MAP3K15: variants seen among roughly 807,000 people sequenced by gnomAD.
The protein encoded by MAP3K15 is mitogen-activated protein kinase kinase kinase 15.
A neutral mutation model predicts 99.5 loss-of-function variants in MAP3K15; 124 were observed. The observed-to-expected ratio is 1.25, with a 90% confidence interval of 1.08 to 1.45. The LOEUF (loss-of-function observed/expected upper bound fraction) is 1.45, where lower values mean the gene tolerates loss of function less well. Among genes scored for constraint, MAP3K15 ranks in the 40% most tolerant of loss-of-function variants. The pLI is 0.00. For synonymous variants in MAP3K15, 494 were observed against 439.6 expected (o/e 1.12, Z -1.55); for missense variants, 1,242 against 1,079.7 (o/e 1.15, Z -2.11).
chrX:19,469,070 T>G (rs1219299617), intron 3 of MAP3K15, among the ~76,000 whole-genome samples: 1 of 111,243 alleles, frequency 9.0e-6, no homozygotes, highest in African/African-American at 3.3e-5. Context: ...CAGGGATAAT[T>G]TGACTTCCTT....
chrX:19,492,958 ACT>A (rs1423777394), intron 1 of MAP3K15, among the ~76,000 whole-genome samples: 1 of 110,982 alleles, frequency 9.0e-6, no homozygotes, highest in African/African-American at 3.3e-5. Flanking sequence ...CAAGAGCGAA[ACT>A]CTGTCTCAAA....
At chrX:19,394,938 C>G in intron 16 of MAP3K15, 143 bp downstream of exon 16, 1 of 587,322 alleles carries the variant, frequency 1.7e-6, no homozygotes, top group Non-Finnish European at 2.5e-6. Flanking sequence ...ATCTTCCCAT[C>G]TCGGCCTCCC....
In MAP3K15 at chrX:19,369,159, T is replaced by A. The variant is rs2063356629; in HGVS notation, c.3461A>T (p.Glu1154Val). The change falls in exon 25 of 29, where the codon GAA (glutamate) becomes GTA (valine). Residue 1154 changes from glutamate to valine, a missense_variant. Physicochemically the swap from Glu to Val is moderately radical, Grantham distance 121. Transcript: ENST00000338883. ...GGCTGGGGGATAGCCCTCTTCCGCT[T>A]CATCCATGTCCTTATCTACCCCTTC... ...ETEGVDKDMD[E>V]AEEGYPPATG... 1 of 1,209,398 alleles carries A rather than the reference T, an allele frequency of 8.3e-7. No individual in the cohort carries two copies. The highest frequency in any genetic ancestry group is 1.1e-6 in the Non-Finnish European group (1 of 895,024).
chrX:19,400,397 A>G (rs1249236820), intron 14 of MAP3K15, among the ~76,000 whole-genome samples, 179 bp downstream of exon 14: 1 of 111,841 alleles, frequency 8.9e-6, no homozygotes, highest in Non-Finnish European at 1.9e-5. Flanking sequence ...GAGAATCCCA[A>G]AGAAATGAGA....
chrX:19,498,825 G>A (rs951111851), intron 1 of MAP3K15, among the ~76,000 whole-genome samples: 10 of 112,058 alleles, frequency 8.9e-5, no homozygotes, highest in Admixed American at 2.9e-4. Flanking sequence ...TGTAAAAGCC[G>A]AAACAAAGTT....
chrX:19,443,647 AG>A (rs2063975539), intron 6 of MAP3K15, among the ~76,000 whole-genome samples: 3 of 111,975 alleles, frequency 2.7e-5, no homozygotes, highest in Admixed American at 1.9e-4. Flanking sequence ...GTAAGCAATG[AG>A]GGAACGAGTA....
chrX:19,439,238 C>A (rs1227455640), intron 6 of MAP3K15, among the ~76,000 whole-genome samples: 1 of 111,553 alleles, frequency 9.0e-6, no homozygotes, highest in African/African-American at 3.3e-5. Flanking sequence ...TGCCTGAGAC[C>A]TCCCCAGAAG....
chrX:19,509,668 A>G (rs1297775273), intron 1 of MAP3K15, among the ~76,000 whole-genome samples: 1 of 111,735 alleles, frequency 8.9e-6, no homozygotes, highest in African/African-American at 3.3e-5. Flanking sequence ...ACACCCTAAC[A>G]TCACAATTAA....
At chrX:19,472,396 T>G (rs995274896) in intron 3 of MAP3K15, among the ~76,000 whole-genome samples, 2 of 111,629 alleles carry the variant, frequency 1.8e-5, no homozygotes, top group Non-Finnish European at 3.8e-5. Context: ...ATTGCAAATT[T>G]CCTCTTTTCT....
intron 22 of MAP3K15, among the ~76,000 whole-genome samples, chrX:19,372,332 C>T (rs73453500): frequency 0.052 from 5,789 of 110,454 alleles, 364 homozygotes; most frequent in African/African-American, 0.18. Context: ...GACTCAAAAC[C>T]GGATCATGAG....
At chrX:19,509,506 C>T (rs1443421108) in intron 1 of MAP3K15, among the ~76,000 whole-genome samples, 1 of 111,657 alleles carries the variant, frequency 9.0e-6, no homozygotes. Flanking sequence ...GGGTAAATAA[C>T]GAAATTAAAG....
chrX:19,371,524 C>A lies in MAP3K15; in HGVS notation c.3115G>T (p.Glu1039Ter). The A allele has an allele frequency of 2.5e-6, 3 of 1,195,347 alleles. No individual in the cohort carries two copies. The highest frequency in any genetic ancestry group is 3.4e-6 in the Non-Finnish European group (3 of 883,238). ...TGTCCAACTGAGAGATGCAACTCTT[C>A]GGAACTCTGAAAACACACACAAATC... Reference protein sequence around the residue: ...NLQECVAQSSEELHLSVGHIK... With the variant: ...NLQECVAQSS Residue 1039 changes from glutamate (E) to a stop codon, truncating the protein, a stop_gained, in exon 23 of 29, where the codon GAA (glutamate) becomes TAA (stop). Coordinates refer to ENST00000338883, the MANE Select transcript of MAP3K15 (RefSeq NM_001001671.4). LOFTEE classifies it high-confidence loss of function.
chrX:19,470,969 G>C (rs2064204294), intron 3 of MAP3K15, among the ~76,000 whole-genome samples: 1 of 111,575 alleles, frequency 9.0e-6, no homozygotes, highest in African/African-American at 3.3e-5. Flanking sequence ...AAAAAAGGAG[G>C]GGGGGTAGGA....
intron 1 of MAP3K15, among the ~76,000 whole-genome samples, chrX:19,510,131 C>T (rs112679829): frequency 0.017 from 1,927 of 111,933 alleles, 54 homozygotes; most frequent in African/African-American, 0.058. Context: ...CCTAGACGGA[C>T]TCACAGCCGA....
chrX:19,424,859 C>G (rs1323976610), intron 9 of MAP3K15, among the ~76,000 whole-genome samples: 1 of 104,840 alleles, frequency 9.5e-6, no homozygotes, highest in African/African-American at 3.5e-5. Flanking sequence ...ATTACCCAGT[C>G]TGGTCTCAAG....
rs202068828 is a variant in MAP3K15, at chrX:19,472,226, AAATAATAATAATAATAATAATAAT to A, written c.526-7844_526-7821del. 6.2e-5 allele frequency among the ~76,000 whole-genome samples: 6 copies of A among 97,446 alleles called. No individual in the cohort carries two copies. The East Asian group carries it at 9.6e-4, about 16-fold the overall frequency. The allele number at this position is 97,446 out of a possible 115,157, so 84.6% of individuals were successfully genotyped here. ...GCCATAGAGCGAGACTCTGTCTCAA[AAATAATAATAATAATAATAATAAT>A]AATAATAATAATAATAATAAAGAAA... On this transcript the variant is annotated intron_variant, in intron 3 of 28. Transcript: ENST00000338883.
At chrX:19,500,757 C>T (rs1478260258) in intron 1 of MAP3K15, among the ~76,000 whole-genome samples, 1 of 112,453 alleles carries the variant, frequency 8.9e-6, no homozygotes, top group African/African-American at 3.2e-5. Context: ...GCACCTATTT[C>T]AAAGCCAGAT....
At chrX:19,504,942 C>T (rs1005721613) in intron 1 of MAP3K15, among the ~76,000 whole-genome samples, 2 of 84,933 alleles carry the variant, frequency 2.4e-5, no homozygotes, top group African/African-American at 1.1e-4. Flanking sequence ...AGCAACAGAG[C>T]GAGACCTCCT....
chrX:19,456,043 G>C (rs1272592207), intron 6 of MAP3K15, among the ~76,000 whole-genome samples: 4 of 111,271 alleles, frequency 3.6e-5, no homozygotes, highest in Non-Finnish European at 7.5e-5. Context: ...CTGCTGGGGA[G>C]AGAGCAGGTG....
Sources: gnomAD v4.1 joint callset for allele counts (sites outside exome capture counted in the v4.1 genomes callset) on GRCh38, gnomAD v4.1.1 for gene constraint, MANE v1.5 for transcripts, NCBI Gene and HGNC (gene_info 2026-07-23, HGNC 2026-07-21) for gene names.